IAH1: variants seen among roughly 807,000 people sequenced by gnomAD.
IAH1 encodes isoamyl acetate hydrolyzing esterase 1 (putative).
In IAH1, 24 loss-of-function variants were observed where a neutral mutation model predicts 26.7. The observed-to-expected ratio is 0.90, with a 90% CI of 0.65 to 1.26. The LOEUF is 1.26. Among genes scored for constraint, IAH1 ranks in the 50% most tolerant of loss-of-function variants. The pLI is 0.00. For missense variants in IAH1, 300 were observed against 299.9 expected (o/e 1.00, Z 0.00); for synonymous variants, 140 against 118.5 (o/e 1.18, Z -1.18).
the IAH1 span, chr2:9,502,188 C>A: frequency 6.2e-7 from 1 of 1,613,998 alleles, no homozygotes; most frequent in Non-Finnish European, 8.5e-7. Context: ...CAGTAGGACA[C>A]GCCTTTGCAA....
chr2:9,499,249 G>A (rs991738648), downstream of IAH1, among the ~76,000 whole-genome samples: 7 of 151,590 alleles, frequency 4.6e-5, no homozygotes, highest in Non-Finnish European at 1.0e-4. Flanking sequence ...TGTTTGATAA[G>A]AACAAACGTT....
downstream of IAH1, among the ~76,000 whole-genome samples, chr2:9,498,872 TAGAC>T (rs1271916775): frequency 2.0e-5 from 3 of 152,172 alleles, no homozygotes; most frequent in African/African-American, 4.8e-5. Context: ...GTCAGAGTAT[TAGAC>T]AGGTAGGAAA....
chr2:9,481,471 G>A (rs373668250), intron 4 of IAH1, 24 bp downstream of exon 4: 16 of 1,612,282 alleles, frequency 9.9e-6, no homozygotes, highest in African/African-American at 2.7e-5. Flanking sequence ...AGCCAATCTC[G>A]GCAAATCTGG....
downstream of IAH1, chr2:9,491,075 A>ATGT (rs1181179230): frequency 6.2e-7 from 1 of 1,604,698 alleles, no homozygotes; most frequent in Non-Finnish European, 8.5e-7. Context: ...GGCGAAGATT[A>ATGT]TGTTTCTTTC....
intron 3 of IAH1, among the ~76,000 whole-genome samples, chr2:9,478,679 A>G (rs1268986315): frequency 2.0e-5 from 3 of 152,178 alleles, no homozygotes; most frequent in African/African-American, 7.2e-5. Flanking sequence ...CAGAAAGCTT[A>G]AGGATACCTT....
chr2:9,506,672 T>TA, the IAH1 span: 2 of 152,446 alleles, frequency 1.3e-5, no homozygotes, highest in Non-Finnish European at 2.9e-5. Flanking sequence ...CCCAAATCTG[T>TA]CGTTACAGTA....
the IAH1 span, among the ~76,000 whole-genome samples, chr2:9,503,363 C>A: frequency 6.6e-5 from 10 of 152,130 alleles, no homozygotes; most frequent in African/African-American, 1.4e-4. Flanking sequence ...AAATGAAAAC[C>A]TGGGTAACTT....
the IAH1 span, chr2:9,505,363 C>T: frequency 6.2e-7 from 1 of 1,613,736 alleles, no homozygotes; most frequent in Non-Finnish European, 8.5e-7. Flanking sequence ...AGTTTGAAAA[C>T]ATCTTGAGAG....
At chr2:9,484,573 C>T (rs780067346) in intron 5 of IAH1, 23 bp downstream of exon 5, 2 of 1,508,614 alleles carry the variant, frequency 1.3e-6, no homozygotes, top group East Asian at 2.3e-5. Flanking sequence ...GCTCGGTCCT[C>T]TCGGGGTAAA....
chr2:9,487,101 T>G (rs371812225), intron 5 of IAH1, among the ~76,000 whole-genome samples: 42 of 151,850 alleles, frequency 2.8e-4, no homozygotes, highest in African/African-American at 9.4e-4. Flanking sequence ...GGTAGCCAGG[T>G]ATGGTGGCAC....
chr2:9,502,257 A>G, the IAH1 span: 1 of 1,613,902 alleles, frequency 6.2e-7, no homozygotes, highest in Non-Finnish European at 8.5e-7. Flanking sequence ...CAGTTTTTAC[A>G]GCAAGGACTG....
chr2:9,491,022 G>C (rs770292932), downstream of IAH1: 2 of 1,305,932 alleles, frequency 1.5e-6, no homozygotes, highest in Non-Finnish European at 1.1e-6. Context: ...GAAAGCTCTT[G>C]CTGGGTCAGG....
At chr2:9,481,482 A>G in intron 4 of IAH1, 35 bp downstream of exon 4, 1 of 1,609,000 alleles carries the variant, frequency 6.2e-7, no homozygotes, top group Non-Finnish European at 8.5e-7. Context: ...GCAAATCTGG[A>G]TAGGAATGCT....
downstream of IAH1, among the ~76,000 whole-genome samples, chr2:9,501,069 C>CAAA (rs61187930): frequency 0.58 from 87,602 of 151,620 alleles, 26,540 homozygotes; most frequent in African/African-American, 0.69. Context: ...GAGACGTATG[C>CAAA]CCAAATGGAT....
Position 9,488,152 on chromosome 2 carries a change from C to T in IAH1, c.570C>T (p.Phe190=), listed in dbSNP as rs1012779230. ...LWTLMQDSQD[F]SSYLSDGLHL... is the part of the protein sequence containing the mutation. ...CCGATTTCTCTCCCTTCTAGGACTTCTCATCTTATTTATCAGATGGACTAC... is the reference window on the plus strand; with the variant it reads ...CCGATTTCTCTCCCTTCTAGGACTTTTCATCTTATTTATCAGATGGACTAC... The change falls in exon 6 of 6, where the codon TTC becomes TTT. Residue 190 remains phenylalanine (F), a synonymous_variant. Transcript: ENST00000497473. 1.9e-6 allele frequency: 3 copies of T among 1,603,196 alleles called. No individual in the cohort carries two copies. Among genetic ancestry groups the T allele is most frequent in the African/African-American group, 2.7e-5 (2 of 74,396 alleles).
rs1204287303 is a variant in IAH1 at position 9,487,829 on chromosome 2, TGTGTGCGCGCGC to T, written c.565-316_565-305del. On this transcript the variant is annotated intron_variant, in intron 5 of 5. Coordinates refer to ENST00000497473, the MANE Select transcript of IAH1 (RefSeq NM_001039613.3). ...GTGTGTGTGTGTGTGTGTGTGTGTG[TGTGTGCGCGCGC>T]GCGCGCGCGCTGTGGGGGGAGACAG... 2.6e-3 allele frequency among the ~76,000 whole-genome samples: 208 copies of T among 78,922 alleles called. 2 individuals carry two copies. The highest frequency in any genetic ancestry group is 8.6e-3 in the African/African-American group (165 of 19,208). 51.8% of individuals were successfully genotyped at this position (78,922 alleles called of 152,430 possible).
At chr2:9,479,083 A>G (rs939180845) in intron 3 of IAH1, among the ~76,000 whole-genome samples, 1 of 152,136 alleles carries the variant, frequency 6.6e-6, no homozygotes, top group Non-Finnish European at 1.5e-5. Context: ...AAGGAACACC[A>G]ACTGCAGTAA....
chr2:9,509,410 C>T, the IAH1 span, among the ~76,000 whole-genome samples: 2 of 152,086 alleles, frequency 1.3e-5, no homozygotes, highest in African/African-American at 4.8e-5. Flanking sequence ...TATCAGAAAC[C>T]CCCAATAGTA....
chr2:9,491,016 G>T, downstream of IAH1: 3 of 1,233,212 alleles, frequency 2.4e-6, no homozygotes, highest in Non-Finnish European at 3.5e-6. Flanking sequence ...GCCAGTGAAA[G>T]CTCTTGCTGG....
Sources: allele counts gnomAD v4.1 joint callset (sites outside exome capture counted in the v4.1 genomes callset), GRCh38; gene constraint gnomAD v4.1.1; transcripts MANE v1.5; gene names NCBI Gene and HGNC (gene_info 2026-07-23, HGNC 2026-07-21).